CPA3: variants seen among roughly 807,000 people sequenced by gnomAD.
The protein encoded by CPA3 is carboxypeptidase A3, also known as mast cell carboxypeptidase A.
In CPA3, 52 loss-of-function variants were observed where a neutral mutation model predicts 55.8. That is an observed-to-expected ratio of 0.93 (90% CI 0.75 to 1.17). The LOEUF is 1.17. Among genes scored for constraint, CPA3 ranks in the 50% most tolerant of loss-of-function variants. The probability of loss-of-function intolerance (pLI) is 0.00; values close to 1 mark genes in which losing one functional copy is unlikely to be tolerated. For synonymous variants in CPA3, 179 were observed against 171.2 expected (o/e 1.05, Z -0.36); for missense variants, 547 against 509.1 (o/e 1.07, Z -0.72).
intron 10 of CPA3, among the ~76,000 whole-genome samples, chr3:148,889,001 G>A (rs1714602536): frequency 6.6e-6 from 1 of 152,146 alleles, no homozygotes; most frequent in Admixed American, 6.5e-5. Flanking sequence ...TTTCAAAATG[G>A]AAAGATACAG....
At chr3:148,879,739 C>A (rs1217913845) in intron 5 of CPA3, 49 bp from the exon 6 acceptor site, 1 of 1,209,150 alleles carries the variant, frequency 8.3e-7, no homozygotes, top group Non-Finnish European at 1.2e-6. Context: ...AACAAGGGAT[C>A]AATGTGTGAG....
intron 10 of CPA3, among the ~76,000 whole-genome samples, chr3:148,895,470 A>G (rs1468872777): frequency 1.3e-5 from 2 of 152,214 alleles, no homozygotes; most frequent in African/African-American, 2.4e-5. Flanking sequence ...TACCTTTTCT[A>G]TGGTACTTAG....
chr3:148,877,184 G>A (rs1231273899), intron 3 of CPA3, among the ~76,000 whole-genome samples: 1 of 152,146 alleles, frequency 6.6e-6, no homozygotes, highest in Non-Finnish European at 1.5e-5. Context: ...ACATGAGATG[G>A]CTCAGAAAGA....
chr3:148,872,291 A>G (rs544193839), intron 3 of CPA3, among the ~76,000 whole-genome samples: 1 of 152,202 alleles, frequency 6.6e-6, no homozygotes, highest in Non-Finnish European at 1.5e-5. Flanking sequence ...TGGGGCAGAC[A>G]CTATACTTGG....
intron 4 of CPA3, 29 bp downstream of exon 4, chr3:148,878,572 T>G: frequency 6.4e-7 from 1 of 1,573,738 alleles, no homozygotes; most frequent in Non-Finnish European, 8.7e-7. Context: ...GTACTTTTTT[T>G]TAAGTTACCC....
chr3:148,885,233 G>T (rs1429548670), intron 9 of CPA3, among the ~76,000 whole-genome samples: 1 of 151,638 alleles, frequency 6.6e-6, no homozygotes, highest in African/African-American at 2.4e-5. Context: ...AAACATGGAA[G>T]AAAATGGAGA....
intron 6 of CPA3, among the ~76,000 whole-genome samples, chr3:148,880,699 T>C (rs1714339144): frequency 6.6e-6 from 1 of 152,204 alleles, no homozygotes; most frequent in African/African-American, 2.4e-5. Context: ...CTATTGCCAA[T>C]GTATTTTGAC....
intron 10 of CPA3, among the ~76,000 whole-genome samples, chr3:148,893,197 G>C (rs1714723762): frequency 6.6e-6 from 1 of 151,848 alleles, no homozygotes; most frequent in Non-Finnish European, 1.5e-5. Context: ...ACACTGAGAT[G>C]ATTGCAGTTT....
At chr3:148,885,406 CT>C (rs10712598) in intron 9 of CPA3, among the ~76,000 whole-genome samples, 41,576 of 87,942 alleles carry the variant, frequency 0.47, 8,983 homozygotes, top group East Asian at 0.51. Flanking sequence ...ATATTTAAGT[CT>C]TTTTTTTTTT....
chr3:148,889,866 T>C (rs1001435234), intron 10 of CPA3, among the ~76,000 whole-genome samples: 1 of 48,592 alleles, frequency 2.1e-5, no homozygotes. Flanking sequence ...CAAAACTCCA[T>C]CTCAAAAAAA....
chr3:148,869,271 A>G (rs1390861338), intron 3 of CPA3, among the ~76,000 whole-genome samples: 1 of 152,204 alleles, frequency 6.6e-6, no homozygotes, highest in Non-Finnish European at 1.5e-5. Context: ...TCTTAGCTAT[A>G]AGAATAACAA....
At chr3:148,875,941 T>C (rs1261624592) in intron 3 of CPA3, among the ~76,000 whole-genome samples, 1 of 152,078 alleles carries the variant, frequency 6.6e-6, no homozygotes, top group Non-Finnish European at 1.5e-5. Flanking sequence ...GCTACTATTA[T>C]TTATCATAGT....
chr3:148,871,815 T>C (rs529615270), intron 3 of CPA3, among the ~76,000 whole-genome samples: 1 of 152,316 alleles, frequency 6.6e-6, no homozygotes, highest in South Asian at 2.1e-4. Context: ...AATATAAATA[T>C]GTAAAGTGAT....
intron 10 of CPA3, among the ~76,000 whole-genome samples, chr3:148,894,411 C>T (rs1714766181): frequency 6.7e-6 from 1 of 149,042 alleles, no homozygotes; most frequent in African/African-American, 2.5e-5. Flanking sequence ...TGTCATGTAA[C>T]CAAGAGGAAG....
At chr3:148,892,177 T>C (rs150921597) in intron 10 of CPA3, among the ~76,000 whole-genome samples, 2 of 152,248 alleles carry the variant, frequency 1.3e-5, no homozygotes, top group Middle Eastern at 3.4e-3. Flanking sequence ...GGGTACAATA[T>C]ATGGATACTT....
rs954474410 is a variant in CPA3 at position 148,885,563 on chromosome 3, A to C, written c.982-530A>C. On this transcript the variant is annotated intron_variant, in intron 9 of 10. Coordinates refer to ENST00000296046, the MANE Select transcript of CPA3 (RefSeq NM_001870.4). ...GTAGCTGAGACTACAGGCACATGGC[A>C]CCACCCCCAGCTAATTTTTTGTATT... is the stretch of plus-strand genomic sequence containing the variant. Among the ~76,000 whole-genome samples, 6 of 151,738 alleles carry C rather than the reference A, an allele frequency of 4.0e-5. No individual in the cohort carries two copies. In the East Asian group the frequency reaches 1.2e-3, roughly 30 times the overall value.
intron 10 of CPA3, among the ~76,000 whole-genome samples, chr3:148,896,015 G>A (rs1714817914): frequency 6.6e-6 from 1 of 152,136 alleles, no homozygotes; most frequent in Non-Finnish European, 1.5e-5. Context: ...TTTGAATTAG[G>A]AGATTAAATA....
At chr3:148,886,295 T>C (rs2108037531) in intron 10 of CPA3, 118 bp downstream of exon 10, 1 of 667,254 alleles carries the variant, frequency 1.5e-6, no homozygotes, top group East Asian at 2.8e-5. Context: ...ATTTAAATTC[T>C]ACTTTTTACA....
At chr3:148,894,904 C>A (rs1350353397) in intron 10 of CPA3, among the ~76,000 whole-genome samples, 2 of 152,234 alleles carry the variant, frequency 1.3e-5, no homozygotes, top group Non-Finnish European at 2.9e-5. Context: ...TTTGCCTTTT[C>A]TTTTTCCCAT....
Sources: gnomAD v4.1 joint callset for allele counts (sites outside exome capture counted in the v4.1 genomes callset) on GRCh38, gnomAD v4.1.1 for gene constraint, MANE v1.5 for transcripts, NCBI Gene and HGNC (gene_info 2026-07-23, HGNC 2026-07-21) for gene names.